PRKN: variants seen among roughly 807,000 people sequenced by gnomAD.
PRKN encodes the protein E3 ubiquitin-protein ligase parkin.
A neutral mutation model predicts 59.5 loss-of-function variants in PRKN; 56 were observed. That is an observed-to-expected ratio of 0.94 (90% confidence interval 0.76 to 1.18). The LOEUF (loss-of-function observed/expected upper bound fraction) is 1.18, where lower values mean the gene tolerates loss of function less well. PRKN is among the 50% of genes most tolerant of loss of function. The pLI is 0.00. For synonymous variants in PRKN, 250 were observed against 222.1 expected (o/e 1.13, Z -1.12); for missense variants, 657 against 596.4 (o/e 1.10, Z -1.06).
rs189980525 is a variant in PRKN, at chr6:161,554,185, A to G, written c.934-5182T>C. ...GAAGATGACATAATTACAATATTCC[A>G]TAATTGCTCATTTGCTTTTTCTCAC... On this transcript the variant is annotated intron_variant, in intron 8 of 11. Transcript: ENST00000366898. This position sits in a 1 kb window ranked among gnomAD's most constrained non-coding sequence, Gnocchi z 4.5. Among the ~76,000 whole-genome samples the G allele has an allele frequency of 3.3e-5, 5 of 152,326 alleles. No homozygotes were observed. The highest frequency in any genetic ancestry group is 2.6e-4 in the Admixed American group (4 of 15,302).
chr6:161,771,139 G>A (rs1391717163), intron 7 of PRKN, among the ~76,000 whole-genome samples: 2 of 151,878 alleles, frequency 1.3e-5, no homozygotes, highest in African/African-American at 2.4e-5. Flanking sequence ...GGCGGATTAC[G>A]AGGTCAGGAG....
At position 162,414,726 on chromosome 6, in the gene PRKN, A is replaced by AAAAAAAAAGT. The variant is rs34838356; in HGVS notation, c.171+28583_171+28584insACTTTTTTTT. 2.1e-4 allele frequency among the ~76,000 whole-genome samples: 19 copies of AAAAAAAAAGT among 91,854 alleles called. 4 individuals carry two copies. The highest frequency in any genetic ancestry group is 4.1e-4 in the African/African-American group (9 of 22,050). 60.3% of individuals were successfully genotyped at this position (91,854 alleles called of 152,430 possible). Reference sequence around the variant, plus strand: ...ACTCCGTCTCAAAAAAAAAAAAAAAAAGTGAATCTTTGAAGTTTTAAAATA... The same window carrying AAAAAAAAAGT: ...ACTCCGTCTCAAAAAAAAAAAAAAAAAAAAAAAAGTAGTGAATCTTTGAAGTTTTAAAATA... On this transcript the variant is annotated intron_variant, in intron 2 of 11. Transcript: ENST00000366898.
At chr6:162,457,551 A>T (rs894473635) in intron 1 of PRKN, among the ~76,000 whole-genome samples, 2 of 152,140 alleles carry the variant, frequency 1.3e-5, no homozygotes, top group Non-Finnish European at 1.5e-5. Context: ...TAATTTCAAG[A>T]TTACTAACTT....
At chr6:162,307,411 A>AC (rs58176245) in intron 2 of PRKN, among the ~76,000 whole-genome samples, 4,325 of 151,460 alleles carry the variant, frequency 0.029, 216 homozygotes, top group African/African-American at 0.097. Flanking sequence ...AAAAAAAAAA[A>AC]AAAAAAACAC....
chr6:162,255,869 A>AT (rs1779620254), intron 3 of PRKN, among the ~76,000 whole-genome samples: 1 of 152,134 alleles, frequency 6.6e-6, no homozygotes, highest in South Asian at 2.1e-4. Flanking sequence ...GGTTCAAACG[A>AT]TTTTCATTTA....
At chr6:161,875,287 T>A (rs9458409) in intron 6 of PRKN, among the ~76,000 whole-genome samples, 1 of 149,560 alleles carries the variant, frequency 6.7e-6, no homozygotes, top group African/African-American at 2.5e-5. Flanking sequence ...CTCCTCCTCC[T>A]GGGTTCAAGT....
chr6:161,656,212 G>A (rs1317838136), intron 7 of PRKN, among the ~76,000 whole-genome samples: 6 of 152,192 alleles, frequency 3.9e-5, no homozygotes, highest in African/African-American at 1.4e-4. Flanking sequence ...TCAGCGATGG[G>A]CGTGCAGACT....
At chr6:161,514,366 G>A (rs1778509539) in intron 9 of PRKN, among the ~76,000 whole-genome samples, 1 of 152,106 alleles carries the variant, frequency 6.6e-6, no homozygotes, top group African/African-American at 2.4e-5. Context: ...GCAGGACAGG[G>A]TCAGACCATA....
rs190066319 is a variant in PRKN at position 162,320,860 on chromosome 6, T to C, written c.172-58095A>G. Among the ~76,000 whole-genome samples, 298 of 151,782 alleles carry C rather than the reference T, an allele frequency of 2.0e-3. 3 individuals are homozygous for C. The highest frequency in any genetic ancestry group is 7.0e-3 in the African/African-American group (289 of 41,484). ...TCAAAAGTGAATGAAAATGAAGACA[T>C]AACATAACAAAATTTAGGGGATGCA... On this transcript the variant is annotated intron_variant, in intron 2 of 11. Transcript: ENST00000366898.
intron 2 of PRKN, among the ~76,000 whole-genome samples, chr6:162,266,298 T>TTGTGTGTGTGTG (rs60841593): frequency 4.1e-5 from 6 of 146,094 alleles, no homozygotes; most frequent in African/African-American, 7.5e-5. Context: ...TACATATATA[T>TTGTGTGTGTGTG]TGTGTGTGTG....
At position 161,652,562 on chromosome 6, in the gene PRKN, T is replaced by G. The variant is rs564603575; in HGVS notation, c.872-83146A>C. On this transcript the variant is annotated intron_variant, in intron 7 of 11. Transcript: ENST00000366898. The stretch of plus-strand genomic sequence containing the variant: ...TACATTCTTAAACTACAGTCCAATG[T>G]GTAGCGATAAGGGATTACTGACATT... Among the ~76,000 whole-genome samples, 28 of 152,352 alleles carry G rather than the reference T, an allele frequency of 1.8e-4. 1 individual carries two copies. The South Asian group carries it at 5.8e-3, about 32-fold the overall frequency.
chr6:162,435,745 GC>G (rs1217625753), intron 2 of PRKN, among the ~76,000 whole-genome samples: 1 of 152,176 alleles, frequency 6.6e-6, no homozygotes, highest in African/African-American at 2.4e-5. Context: ...GAGAGAAGAT[GC>G]TTGTATCAGT....
At chr6:162,334,778 C>T (rs1301721260) in intron 2 of PRKN, among the ~76,000 whole-genome samples, 1 of 152,274 alleles carries the variant, frequency 6.6e-6, no homozygotes. Flanking sequence ...AAGGATTCCT[C>T]ATCCTAGGTG....
chr6:161,743,592 A>G (rs1416171420), intron 7 of PRKN, among the ~76,000 whole-genome samples: 2 of 151,598 alleles, frequency 1.3e-5, no homozygotes, highest in African/African-American at 2.4e-5. Context: ...CCTCCAACCC[A>G]ACATATAATT....
intron 9 of PRKN, among the ~76,000 whole-genome samples, chr6:161,542,757 C>T (rs938693981): frequency 8.5e-5 from 13 of 152,052 alleles, no homozygotes; most frequent in Non-Finnish European, 1.5e-4. Flanking sequence ...AGTGTCCAGG[C>T]GGTTGAGGCA....
At chr6:161,465,144 C>T (rs764654212) in intron 9 of PRKN, among the ~76,000 whole-genome samples, 8 of 152,166 alleles carry the variant, frequency 5.3e-5, no homozygotes, top group African/African-American at 1.2e-4. Context: ...TCTTTCATAC[C>T]GTCGAGACTG....
At chr6:161,430,875 CCTGTA>C (rs1788614852) in intron 9 of PRKN, among the ~76,000 whole-genome samples, 1 of 147,802 alleles carries the variant, frequency 6.8e-6, no homozygotes. Context: ...GTGGCTCATG[CCTGTA>C]ATCCCAGCAC....
At chr6:162,039,044 G>A (rs1026136238) in intron 5 of PRKN, among the ~76,000 whole-genome samples, 2 of 151,874 alleles carry the variant, frequency 1.3e-5, no homozygotes, top group South Asian at 2.1e-4. Flanking sequence ...TAGTCCCAGC[G>A]ACTCTGGAGG....
chr6:162,471,071 T>TA (rs1281794467), intron 1 of PRKN, among the ~76,000 whole-genome samples: 1 of 72,118 alleles, frequency 1.4e-5, no homozygotes, highest in Non-Finnish European at 3.1e-5. Flanking sequence ...CACACTCTAT[T>TA]TTTTATTTAT....
Sources: gnomAD v4.1 joint callset for allele counts (sites outside exome capture counted in the v4.1 genomes callset) on GRCh38, gnomAD v4.1.1 for gene constraint, Gnocchi (gnomAD v3.1) non-coding constraint, MANE v1.5 for transcripts, NCBI Gene and HGNC (gene_info 2026-07-23, HGNC 2026-07-21) for gene names.